PATE2: variants seen among roughly 807,000 people sequenced by gnomAD.
The protein encoded by PATE2 is prostate and testis expressed protein 2.
Under a neutral mutation model 10.5 loss-of-function variants are expected in PATE2, and 7 were observed. The ratio of observed to expected loss-of-function variants is 0.66; its 90% CI spans 0.38 to 1.25. The LOEUF is 1.25. Among genes scored for constraint, PATE2 ranks in the 50% most tolerant of loss-of-function variants. The pLI is 0.02. For synonymous variants in PATE2, 44 were observed against 46.9 expected (o/e 0.94, Z 0.25); for missense variants, 133 against 135.4 (o/e 0.98, Z 0.09).
In PATE2 at chr11:125,777,013, T is replaced by TCTC; in HGVS notation, c.*368_*369insGAG. 2 of 179,746 alleles carry TCTC rather than the reference T, an allele frequency of 1.1e-5. No individual in the cohort carries two copies. The highest frequency in any genetic ancestry group is 2.4e-5 in the Non-Finnish European group (2 of 84,436). 11.1% of individuals were successfully genotyped at this position (179,746 alleles called of 1,614,324 possible). Reference sequence around the variant, plus strand: ...CAACGGAGAGGAGTGTGTGTGTAGATGAGGATAGAGGATAGTCACAGAATT... The same window carrying TCTC: ...CAACGGAGAGGAGTGTGTGTGTAGATCTCGAGGATAGAGGATAGTCACAGAATT... On this transcript the variant is annotated 3_prime_UTR_variant, in exon 4 of 4. Coordinates refer to ENST00000358524, the MANE Select transcript of PATE2 (RefSeq NM_212555.3).
Position 125,778,007 on chromosome 11 carries a change from C to G in PATE2, c.77-5G>C. 8 of 1,611,970 alleles carry G rather than the reference C, an allele frequency of 5.0e-6. No individual in the cohort carries two copies. Among genetic ancestry groups the G allele is most frequent in the Non-Finnish European group, 6.8e-6 (8 of 1,179,188 alleles). ...CATAACACATTATTTCAGTCGCTGCCAGATACAAAAAGAGGTGCTTAGAGG... is the reference window on the plus strand; with the variant it reads ...CATAACACATTATTTCAGTCGCTGCGAGATACAAAAAGAGGTGCTTAGAGG... On this transcript the variant is annotated splice_region_variant and splice_polypyrimidine_tract_variant and intron_variant, in intron 2 of 3. Coordinates refer to ENST00000358524, the MANE Select transcript of PATE2 (RefSeq NM_212555.3).
At chr11:125,777,547 T>C (rs1943497886) in intron 3 of PATE2, 29 bp from the exon 4 acceptor site, 6 of 1,612,414 alleles carry the variant, frequency 3.7e-6, no homozygotes, top group East Asian at 4.5e-5. Context: ...GGAAATATGA[T>C]CATAATGACC....
In PATE2 at chr11:125,777,503, T is replaced by C; in HGVS notation, c.221A>G (p.His74Arg). The C allele has an allele frequency of 6.2e-7, 1 of 1,613,688 alleles. No homozygotes were observed. Among genetic ancestry groups the C allele is most frequent in the South Asian group, 1.1e-5 (1 of 91,068 alleles). ...ILTRKGQSMY[H>R]YSKLSCMTSC... is the part of the protein sequence containing the mutation. Reference sequence around the variant, plus strand: ...GGTCATACACGACAGTTTTGAATAATGATACATGCTCTGCCCTGAGGAGGT... The same window carrying C: ...GGTCATACACGACAGTTTTGAATAACGATACATGCTCTGCCCTGAGGAGGT... The change falls in exon 4 of 4, where the codon CAT becomes CGT. Residue 74 changes from histidine to arginine, a missense_variant. Transcript: ENST00000358524.
At chr11:125,778,673 G>A (rs758945241) in intron 1 of PATE2, 49 bp downstream of exon 1, 4 of 1,612,468 alleles carry the variant, frequency 2.5e-6, no homozygotes, top group African/African-American at 1.3e-5. Context: ...CCCAGCATCT[G>A]TCCGTCTCTT....
Position 125,777,136 on chromosome 11 carries a change from G to C in PATE2, c.*246C>G, listed in dbSNP as rs1018776912. 1 of 440,662 alleles carries C rather than the reference G, an allele frequency of 2.3e-6. No homozygotes were observed. The highest frequency in any genetic ancestry group is 3.4e-5 in the Admixed American group (1 of 29,098). The allele number at this position is 440,662 out of a possible 1,614,324, so 27.3% of individuals were successfully genotyped here. A position where few individuals can be genotyped will look rare whatever the true frequency, so the allele number is the denominator to read the frequency against. ...CTGAGCTTATTCATGGCAGTATCAC[G>C]TAAGGAGAGCAAAACCCCTCCCACC... is the stretch of plus-strand genomic sequence containing the variant. On this transcript the variant is annotated 3_prime_UTR_variant, in exon 4 of 4. Transcript: ENST00000358524.
At position 125,778,031 on chromosome 11, in the gene PATE2, G is replaced by A. The variant is rs1361486900; in HGVS notation, c.77-29C>T. 8 of 1,608,294 alleles carry A rather than the reference G, an allele frequency of 5.0e-6. No homozygotes were observed. The Admixed American group carries it at 1.3e-4, about 27-fold the overall frequency. On this transcript the variant is annotated intron_variant, in intron 2 of 3. Coordinates refer to ENST00000358524, the MANE Select transcript of PATE2 (RefSeq NM_212555.3). ...CCAGATACAAAAAGAGGTGCTTAGA[G>A]GATGCAGTCTTGAGAATATTCTCTG...
In PATE2 at chr11:125,777,063, T is replaced by G; in HGVS notation, c.*319A>C. On this transcript the variant is annotated 3_prime_UTR_variant, in exon 4 of 4. Transcript: ENST00000358524. Reference sequence around the variant, plus strand: ...TCTCAGTACAAATTGGAGATTATTATGGCCCAAGTGTTCACATTTTCATAC... The same window carrying G: ...TCTCAGTACAAATTGGAGATTATTAGGGCCCAAGTGTTCACATTTTCATAC... The G allele has an allele frequency of 4.2e-6, 1 of 235,462 alleles. No individual in the cohort carries two copies. Among genetic ancestry groups the G allele is most frequent in the Non-Finnish European group, 8.4e-6 (1 of 119,002 alleles). The allele number at this position is 235,462 out of a possible 1,614,324, so 14.6% of individuals were successfully genotyped here.
rs187170807 is a variant in PATE2 at position 125,777,225 on chromosome 11, C to T, written c.*157G>A. On this transcript the variant is annotated 3_prime_UTR_variant, in exon 4 of 4. Transcript: ENST00000358524. ...TCCATCATCAATAGGCTCCGCTGTC[C>T]ACACTGCGTCTCCTTATGCCTGCTT... is the stretch of plus-strand genomic sequence containing the variant. The T allele has an allele frequency of 1.1e-4, 86 of 801,318 alleles. No individual in the cohort carries two copies. The highest frequency in any genetic ancestry group is 6.9e-4 in the Admixed American group (24 of 34,968). 49.6% of individuals were successfully genotyped at this position (801,318 alleles called of 1,614,324 possible).
chr11:125,778,620 T>A, intron 1 of PATE2, 45 bp from the exon 2 acceptor site: 2 of 1,611,428 alleles, frequency 1.2e-6, no homozygotes, highest in Non-Finnish European at 1.7e-6. Context: ...CTCACATACA[T>A]CTGCCACTGC....
At chr11:125,778,107 A>AT (rs1943504499) in intron 2 of PATE2, 105 bp from the exon 3 acceptor site, 15 of 1,282,454 alleles carry the variant, frequency 1.2e-5, no homozygotes, top group Non-Finnish European at 1.3e-5. Context: ...GGTTCCTAAC[A>AT]TTTTTTGGAC....
In PATE2 at chr11:125,776,931, C is replaced by G. The variant is rs1476721838; in HGVS notation, c.*451G>C. ...AAGCTGGGGTTAGCCCTCTCCAGAA[C>G]CCACGGGCAGAAAAGGACAGTGCCA... On this transcript the variant is annotated 3_prime_UTR_variant, in exon 4 of 4. Transcript: ENST00000358524. 1 of 155,266 alleles carries G rather than the reference C, an allele frequency of 6.4e-6. No individual in the cohort carries two copies. The highest frequency in any genetic ancestry group is 1.4e-5 in the Non-Finnish European group (1 of 69,976). 9.6% of individuals were successfully genotyped at this position (155,266 alleles called of 1,614,324 possible).
chr11:125,777,271 C>T lies in PATE2; in HGVS notation c.*111G>A. The T allele has an allele frequency of 7.5e-7, 1 of 1,325,096 alleles. No homozygotes were observed. Among genetic ancestry groups the T allele is most frequent in the Non-Finnish European group, 1.0e-6 (1 of 961,992 alleles). The allele number at this position is 1,325,096 out of a possible 1,614,324, so 82.1% of individuals were successfully genotyped here. A position where few individuals can be genotyped will look rare whatever the true frequency, so the allele number is the denominator to read the frequency against. On this transcript the variant is annotated 3_prime_UTR_variant, in exon 4 of 4. Transcript: ENST00000358524. ...TGCTTGTCTTTTCACTATGAGCTGG[C>T]TTTCTCACTCTCTACCAATGCATAG...
Position 125,777,510 on chromosome 11 carries a change from T to C in PATE2, c.214A>G (p.Met72Val). 1 of 1,613,638 alleles carries C rather than the reference T, an allele frequency of 6.2e-7. No individual in the cohort carries two copies. The highest frequency in any genetic ancestry group is 8.5e-7 in the Non-Finnish European group (1 of 1,179,740). ...FYILTRKGQSMYHYSKLSCMT... is the reference protein window; with the variant it reads ...FYILTRKGQSVYHYSKLSCMT... The stretch of plus-strand genomic sequence containing the variant: ...CACGACAGTTTTGAATAATGATACA[T>C]GCTCTGCCCTGAGGAGGTAAAAGAG... Residue 72 changes from methionine (M) to valine (V), a missense_variant, in exon 4 of 4, where the codon ATG becomes GTG. Met to Val is a conservative substitution (Grantham distance 21). Transcript: ENST00000358524.
At chr11:125,778,125 T>A (rs1943504578) in intron 2 of PATE2, 123 bp from the exon 3 acceptor site, 1 of 965,106 alleles carries the variant, frequency 1.0e-6, no homozygotes, top group Admixed American at 2.4e-5. Flanking sequence ...GACCATGGAC[T>A]CTTGGTAATC....
In PATE2 at chr11:125,777,993, A is replaced by T. The variant is rs746376898; in HGVS notation, c.86T>A (p.Ile29Lys). The T allele has an allele frequency of 3.7e-6, 6 of 1,612,948 alleles. No homozygotes were observed. The highest frequency in any genetic ancestry group is 5.1e-6 in the Non-Finnish European group (6 of 1,179,404). ...ELHDPIKATE[I>K]MCYECKKYHL... Reference sequence around the variant, plus strand: ...ATATTTTTTACATTCATAACACATTATTTCAGTCGCTGCCAGATACAAAAA... The same window carrying T: ...ATATTTTTTACATTCATAACACATTTTTTCAGTCGCTGCCAGATACAAAAA... The change falls in exon 3 of 4, where the codon ATA (isoleucine) becomes AAA (lysine). Residue 29 changes from isoleucine (I) to lysine (K), a missense_variant. By Grantham distance (102) the Ile-to-Lys change is moderately radical. Transcript: ENST00000358524.
chr11:125,777,674 T>C (rs1943498930), intron 3 of PATE2, among the ~76,000 whole-genome samples, 156 bp from the exon 4 acceptor site: 1 of 152,114 alleles, frequency 6.6e-6, no homozygotes, highest in Non-Finnish European at 1.5e-5. Flanking sequence ...AGAGAGTAGA[T>C]TTTATTCCCT....
At chr11:125,778,271 CAGG>C (rs1943505850) in intron 2 of PATE2, among the ~76,000 whole-genome samples, 1 of 152,094 alleles carries the variant, frequency 6.6e-6, no homozygotes, top group Admixed American at 6.6e-5. Flanking sequence ...TATATGATTT[CAGG>C]AGGTCAGGGT....
chr11:125,777,789 C>A (rs1158299114), intron 3 of PATE2, 85 bp downstream of exon 3: 1 of 1,504,062 alleles, frequency 6.6e-7, no homozygotes, highest in Non-Finnish European at 9.1e-7. Flanking sequence ...ATCCCATTCA[C>A]CTACTCACGC....
chr11:125,778,800 C>T lies in PATE2; in HGVS notation c.-27G>A, dbSNP rs1256219199. ...CTGGAGCTTCTGTCAGGTGCAGCTT[C>T]CTGTGGAAGGAGCAAGTTGTTCTCT... On this transcript the variant is annotated 5_prime_UTR_variant, in exon 1 of 4. Transcript: ENST00000358524. 1 of 1,612,724 alleles carries T rather than the reference C, an allele frequency of 6.2e-7. No homozygotes were observed. The highest frequency in any genetic ancestry group is 8.5e-7 in the Non-Finnish European group (1 of 1,179,146).
Sources: allele counts gnomAD v4.1 joint callset (sites outside exome capture counted in the v4.1 genomes callset), GRCh38; gene constraint gnomAD v4.1.1; transcripts MANE v1.5; gene names NCBI Gene and HGNC (gene_info 2026-07-23, HGNC 2026-07-21).